Variants in MIPOL1 observed in about 807,000 individuals in gnomAD.
MIPOL1 encodes the protein mirror-image polydactyly gene 1 protein.
Under a neutral mutation model 60.9 loss-of-function variants are expected in MIPOL1, and 57 were observed. The observed-to-expected ratio is 0.94, with a 90% confidence interval of 0.76 to 1.17. The LOEUF (loss-of-function observed/expected upper bound fraction) is 1.17, where lower values mean the gene tolerates loss of function less well. MIPOL1 is among the 50% of genes most tolerant of loss of function. MIPOL1 has a pLI of 0.00. For missense variants in MIPOL1, 551 were observed against 511.6 expected (o/e 1.08, Z -0.74); for synonymous variants, 179 against 168.8 (o/e 1.06, Z -0.47).
intron 9 of MIPOL1, among the ~76,000 whole-genome samples, chr14:37,330,847 G>C (rs888234597): frequency 1.3e-5 from 2 of 152,090 alleles, no homozygotes; most frequent in Non-Finnish European, 2.9e-5. Flanking sequence ...GAGAGGGATG[G>C]GTTAAACAGA....
intron 3 of MIPOL1, among the ~76,000 whole-genome samples, chr14:37,256,091 C>T (rs774165458): frequency 3.3e-5 from 5 of 151,930 alleles, no homozygotes; most frequent in Non-Finnish European, 7.4e-5. Flanking sequence ...ACACAGTTAA[C>T]AAACAATGTT....
chr14:37,488,821 G>T (rs1287308964), intron 11 of MIPOL1, among the ~76,000 whole-genome samples: 1 of 152,036 alleles, frequency 6.6e-6, no homozygotes, highest in Non-Finnish European at 1.5e-5. Flanking sequence ...TTAGTCTGAT[G>T]GGCTTCCCTT....
chr14:37,241,053 A>G (rs1972276505), intron 1 of MIPOL1, among the ~76,000 whole-genome samples: 1 of 152,088 alleles, frequency 6.6e-6, no homozygotes, highest in African/African-American at 2.4e-5. Flanking sequence ...GACCCTGGAG[A>G]GCCAGTAGCG....
At chr14:37,258,456 G>T (rs553665826) in intron 3 of MIPOL1, among the ~76,000 whole-genome samples, 20 of 152,080 alleles carry the variant, frequency 1.3e-4, no homozygotes, top group South Asian at 2.1e-4. Flanking sequence ...GGCTGAAAAG[G>T]TTACAAATAT....
At chr14:37,426,380 C>A (rs1186893918) in intron 11 of MIPOL1, among the ~76,000 whole-genome samples, 2 of 151,050 alleles carry the variant, frequency 1.3e-5, no homozygotes, top group Non-Finnish European at 2.9e-5. Flanking sequence ...CCACCCTGGC[C>A]AACATGATGA....
intron 11 of MIPOL1, among the ~76,000 whole-genome samples, chr14:37,452,582 T>G: frequency 6.6e-6 from 1 of 152,202 alleles, no homozygotes; most frequent in East Asian, 1.9e-4. Context: ...TGTCATGAAT[T>G]TTTTATTAAC....
chr14:37,461,401 C>T (rs993641817), intron 11 of MIPOL1, among the ~76,000 whole-genome samples: 13 of 152,090 alleles, frequency 8.5e-5, no homozygotes, highest in African/African-American at 3.1e-4. Flanking sequence ...ACAGGAAAGA[C>T]CCTCCCCTAT....
chr14:37,460,764 A>C (rs1424332978), intron 11 of MIPOL1, among the ~76,000 whole-genome samples: 1 of 152,188 alleles, frequency 6.6e-6, no homozygotes, highest in Non-Finnish European at 1.5e-5. Flanking sequence ...TACAATAGCC[A>C]CACAAGAAAT....
At position 37,462,494 on chromosome 14, in the gene MIPOL1, G is replaced by T. The variant is rs1461603444; in HGVS notation, c.1032-37414G>T. Among the ~76,000 whole-genome samples, 3 of 152,174 alleles carry T rather than the reference G, an allele frequency of 2.0e-5. No individual in the cohort carries two copies. The East Asian group carries it at 5.8e-4, about 29-fold the overall frequency. On this transcript the variant is annotated intron_variant, in intron 11 of 12. Transcript: ENST00000684589. ...TTCCAAGCTACTTATGCAAATTTCT[G>T]CAACTGGCTTCAATTTCTTCTCAGA...
intron 12 of MIPOL1, among the ~76,000 whole-genome samples, chr14:37,525,874 T>A (rs1005757550): frequency 4.6e-5 from 7 of 152,200 alleles, no homozygotes; most frequent in Admixed American, 2.0e-4. Context: ...AGATAACCAG[T>A]GAAGACTTTA....
At chr14:37,546,625 G>A (rs541685791) in intron 12 of MIPOL1, among the ~76,000 whole-genome samples, 2 of 152,280 alleles carry the variant, frequency 1.3e-5, no homozygotes, top group East Asian at 3.9e-4. Context: ...CTTAATGCAA[G>A]TAGCTAAATG....
At chr14:37,346,927 G>A (rs2090986422) in intron 9 of MIPOL1, among the ~76,000 whole-genome samples, 1 of 152,120 alleles carries the variant, frequency 6.6e-6, no homozygotes, top group African/African-American at 2.4e-5. Context: ...AAATTAAAGA[G>A]CCACACCTGC....
At chr14:37,336,739 C>T (rs910021537) in intron 9 of MIPOL1, among the ~76,000 whole-genome samples, 2 of 151,720 alleles carry the variant, frequency 1.3e-5, no homozygotes, top group Non-Finnish European at 2.9e-5. Flanking sequence ...ATATGCCTTG[C>T]AATTTTATCT....
chr14:37,291,859 A>T (rs1407629618), intron 7 of MIPOL1, among the ~76,000 whole-genome samples: 1 of 151,682 alleles, frequency 6.6e-6, no homozygotes, highest in Non-Finnish European at 1.5e-5. Context: ...CTAGTGGCCT[A>T]ATCACCTCTC....
intron 9 of MIPOL1, among the ~76,000 whole-genome samples, chr14:37,318,680 T>A (rs2088201124): frequency 6.6e-6 from 1 of 152,162 alleles, no homozygotes; most frequent in African/African-American, 2.4e-5. Flanking sequence ...CCTAGAAAGT[T>A]ATATGTAGAT....
chr14:37,508,753 C>T (rs1395201780), intron 12 of MIPOL1, among the ~76,000 whole-genome samples: 1 of 152,116 alleles, frequency 6.6e-6, no homozygotes, highest in East Asian at 1.9e-4. Flanking sequence ...TATCTCATTC[C>T]TCAGAAGGTC....
chr14:37,362,234 G>A (rs552848016), intron 9 of MIPOL1, among the ~76,000 whole-genome samples: 1 of 152,302 alleles, frequency 6.6e-6, no homozygotes, highest in Non-Finnish European at 1.5e-5. Context: ...GCATGTTTTT[G>A]CAGTGGCTAG....
chr14:37,274,143 T>C (rs570072058), intron 6 of MIPOL1, among the ~76,000 whole-genome samples: 3 of 151,656 alleles, frequency 2.0e-5, no homozygotes, highest in East Asian at 1.9e-4. Flanking sequence ...TACATTTTAC[T>C]CAAATGTGAA....
At chr14:37,236,216 C>G (rs989833601) in intron 1 of MIPOL1, among the ~76,000 whole-genome samples, 2 of 151,992 alleles carry the variant, frequency 1.3e-5, no homozygotes, top group Non-Finnish European at 1.5e-5. Flanking sequence ...ACTAGGATTA[C>G]GCGCCTGGCC....
Sources: gnomAD v4.1 joint callset for allele counts (sites outside exome capture counted in the v4.1 genomes callset) on GRCh38, gnomAD v4.1.1 for gene constraint, MANE v1.5 for transcripts, NCBI Gene and HGNC (gene_info 2026-07-23, HGNC 2026-07-21) for gene names.